BICD1: variants seen among roughly 807,000 people sequenced by gnomAD.
The protein encoded by BICD1 is protein bicaudal D homolog 1.
BICD1 carries 35 observed loss-of-function variants against 92.5 expected under a neutral mutation model. The observed-to-expected ratio is 0.38, with a 90% CI of 0.29 to 0.50. The LOEUF (loss-of-function observed/expected upper bound fraction) is 0.50. Among genes scored for constraint, BICD1 ranks in the 20% least tolerant of loss-of-function variants. The probability of loss-of-function intolerance (pLI) is 0.93; values close to 1 mark genes in which losing one functional copy is unlikely to be tolerated. For synonymous variants in BICD1, 429 were observed against 465.1 expected (o/e 0.92, Z 1.00); for missense variants, 950 against 1,189.8 (o/e 0.80, Z 2.97).
At chr12:32,263,352 C>G (rs983634347) in intron 2 of BICD1, among the ~76,000 whole-genome samples, 1 of 152,066 alleles carries the variant, frequency 6.6e-6, no homozygotes, top group East Asian at 1.9e-4. Flanking sequence ...TTCAAGACCA[C>G]TCTCGCCAAG....
intron 1 of BICD1, among the ~76,000 whole-genome samples, chr12:32,139,603 G>A (rs1369414886): frequency 6.6e-6 from 1 of 152,120 alleles, no homozygotes; most frequent in African/African-American, 2.4e-5. Context: ...TCGCTCTGTC[G>A]CCAGGCTGGA....
intron 2 of BICD1, among the ~76,000 whole-genome samples, chr12:32,286,951 T>G (rs939324497): frequency 1.3e-5 from 2 of 152,198 alleles, no homozygotes; most frequent in Admixed American, 1.3e-4. Context: ...TTTCTAAGTA[T>G]GTACTCCATG....
chr12:32,224,236 C>G (rs1945619021), intron 2 of BICD1, among the ~76,000 whole-genome samples: 1 of 152,178 alleles, frequency 6.6e-6, no homozygotes, highest in Non-Finnish European at 1.5e-5. Context: ...CCTCTCCATA[C>G]TTGTTGGGAA....
chr12:32,154,857 T>G (rs2121455818), intron 1 of BICD1, among the ~76,000 whole-genome samples: 1 of 152,338 alleles, frequency 6.6e-6, no homozygotes, highest in African/African-American at 2.4e-5. Context: ...CACTAAATGG[T>G]ATCTTTATTG....
chr12:32,235,706 T>TC (rs1468415300), intron 2 of BICD1, among the ~76,000 whole-genome samples: 1 of 150,688 alleles, frequency 6.6e-6, no homozygotes, highest in African/African-American at 2.4e-5. Context: ...TCTTTTCTTT[T>TC]TTTTTTTTTT....
At chr12:32,262,778 G>C (rs1351178102) in intron 2 of BICD1, among the ~76,000 whole-genome samples, 2 of 152,202 alleles carry the variant, frequency 1.3e-5, no homozygotes, top group Admixed American at 1.3e-4. Context: ...GAAGGTGCAT[G>C]GCCCCTGCCA....
chr12:32,287,952 G>A lies in BICD1; in HGVS notation c.427-6042G>A, dbSNP rs533962598. Among the ~76,000 whole-genome samples the A allele has an allele frequency of 1.8e-3, 281 of 152,328 alleles. 1 individual carries two copies. Among genetic ancestry groups the A allele is most frequent in the African/African-American group, 6.5e-3 (272 of 41,576 alleles). ...CTTCCTCCCATGCCCAGCAGCTGGT[G>A]CTGACTGCAGGCTGGGCCACATGGC... On this transcript the variant is annotated intron_variant, in intron 2 of 9. Coordinates refer to ENST00000652176, the MANE Select transcript of BICD1 (RefSeq NM_001714.4).
chr12:32,192,259 A>G (rs529527309), intron 1 of BICD1, among the ~76,000 whole-genome samples: 3 of 151,972 alleles, frequency 2.0e-5, no homozygotes, highest in East Asian at 1.9e-4. Context: ...GTGAAACCCC[A>G]TCTCTACTAA....
chr12:32,297,587 T>C (rs747443294), intron 3 of BICD1, among the ~76,000 whole-genome samples: 10 of 152,190 alleles, frequency 6.6e-5, no homozygotes, highest in African/African-American at 1.4e-4. Flanking sequence ...GGTCACAAAA[T>C]TGGACTGTGT....
At chr12:32,112,231 C>T (rs1229088037) in intron 1 of BICD1, among the ~76,000 whole-genome samples, 1 of 152,130 alleles carries the variant, frequency 6.6e-6, no homozygotes, top group East Asian at 1.9e-4. Flanking sequence ...GTCTTGAACT[C>T]CCGACCTCAG....
At chr12:32,201,866 T>A (rs1354320787) in intron 1 of BICD1, among the ~76,000 whole-genome samples, 1 of 152,212 alleles carries the variant, frequency 6.6e-6, no homozygotes, top group Admixed American at 6.5e-5. Context: ...CTTTAAGTTT[T>A]GCTTCTGAAT....
intron 1 of BICD1, among the ~76,000 whole-genome samples, chr12:32,215,384 A>C (rs1467674911): frequency 6.6e-6 from 1 of 152,206 alleles, no homozygotes; most frequent in Non-Finnish European, 1.5e-5. Flanking sequence ...TGCACAAATA[A>C]ACAGGCACAT....
chr12:32,376,922 C>A (rs577879048), intron 9 of BICD1, among the ~76,000 whole-genome samples: 65 of 151,268 alleles, frequency 4.3e-4, no homozygotes, highest in Middle Eastern at 6.8e-3. Flanking sequence ...ACCTCCAAGC[C>A]CAAGCAGGTA....
intron 1 of BICD1, among the ~76,000 whole-genome samples, chr12:32,212,415 C>A (rs1945242973): frequency 6.6e-6 from 1 of 152,140 alleles, no homozygotes; most frequent in Non-Finnish European, 1.5e-5. Context: ...AAGCAATATG[C>A]TGTGACATTT....
At chr12:32,263,471 G>A (rs891953342) in intron 2 of BICD1, among the ~76,000 whole-genome samples, 3 of 151,446 alleles carry the variant, frequency 2.0e-5, no homozygotes, top group African/African-American at 4.9e-5. Context: ...GGTTGAGCCC[G>A]GGAGGCAGAG....
chr12:32,133,804 T>C (rs904065830), intron 1 of BICD1, among the ~76,000 whole-genome samples: 3 of 145,080 alleles, frequency 2.1e-5, no homozygotes, highest in African/African-American at 7.6e-5. Flanking sequence ...TTTTTTGAGA[T>C]GGAGTCTTGC....
At chr12:32,324,439 T>C (rs1460140850) in intron 4 of BICD1, among the ~76,000 whole-genome samples, 1 of 152,216 alleles carries the variant, frequency 6.6e-6, no homozygotes, top group Non-Finnish European at 1.5e-5. Flanking sequence ...TTTCTAAGTT[T>C]GGATCACCTT....
intron 1 of BICD1, among the ~76,000 whole-genome samples, chr12:32,179,948 C>T (rs1944223975): frequency 6.9e-6 from 1 of 144,020 alleles, no homozygotes; most frequent in African/African-American, 2.6e-5. Context: ...CGACATTGCG[C>T]TACTGCACTC....
intron 1 of BICD1, among the ~76,000 whole-genome samples, chr12:32,113,563 A>C (rs1406681394): frequency 6.9e-6 from 1 of 144,928 alleles, no homozygotes; most frequent in African/African-American, 2.6e-5. Flanking sequence ...TTTTTTTTTG[A>C]GACTGAGTCT....
Sources: gnomAD v4.1 joint callset for allele counts (sites outside exome capture counted in the v4.1 genomes callset) on GRCh38, gnomAD v4.1.1 for gene constraint, MANE v1.5 for transcripts, NCBI Gene and HGNC (gene_info 2026-07-23, HGNC 2026-07-21) for gene names.